Variants in SLC25A32 observed in about 807,000 individuals in gnomAD.
SLC25A32 encodes the protein Glycine auxotroph B, complementation of hamster.
SLC25A32 carries 32 observed loss-of-function variants against 39.0 expected under a neutral mutation model. That is an observed-to-expected ratio of 0.82 (90% CI 0.62 to 1.10). The LOEUF is 1.10. Ranked by LOEUF, SLC25A32 falls within the 50% of genes least tolerant of loss-of-function variation. The pLI, the probability that SLC25A32 is intolerant of heterozygous loss-of-function variation, is 0.00. For synonymous variants in SLC25A32, 166 were observed against 152.4 expected, an observed-to-expected ratio of 1.09 and a Z score of -0.66; for missense variants, 367 against 395.3, an observed-to-expected ratio of 0.93 and a Z score of 0.61.
intron 4 of SLC25A32, chr8:103,402,542 C>A (rs897484144): frequency 6.6e-6 from 1 of 152,080 alleles, no homozygotes; most frequent in African/African-American, 2.4e-5. Flanking sequence ...GAAAAACAAA[C>A]TGAAATTCAA....
At chr8:103,413,858 T>C (rs1174324720) in intron 1 of SLC25A32, among the ~76,000 whole-genome samples, 2 of 152,234 alleles carry the variant, frequency 1.3e-5, no homozygotes, top group Admixed American at 6.5e-5. Flanking sequence ...AGAATTTTCT[T>C]AACGGTTTAC....
intron 1 of SLC25A32, among the ~76,000 whole-genome samples, chr8:103,409,112 C>A (rs185412562): frequency 2.4e-4 from 37 of 152,214 alleles, no homozygotes; most frequent in African/African-American, 8.4e-4. Context: ...TATAGAAAAC[C>A]ACAAGGAATA....
Position 103,414,834 on chromosome 8 carries a change from A to G in SLC25A32, c.104T>C (p.Leu35Ser). Residue 35 changes from leucine to serine, a missense_variant, in exon 1 of 7, where the codon TTA becomes TCA. Coordinates refer to ENST00000297578, the MANE Select transcript of SLC25A32 (RefSeq NM_030780.5). ...NLIAGVSGGV[L>S]SNLALHPLDL... The stretch of plus-strand genomic sequence containing the variant: ...GAGCGGATGCAGCGCAAGGTTGGAT[A>G]AGACGCCGCCGCTCACGCCCGCTAT... 1.9e-6 allele frequency: 3 copies of G among 1,613,824 alleles called. No homozygotes were observed. The highest frequency in any genetic ancestry group is 2.5e-6 in the Non-Finnish European group (3 of 1,180,036).
rs1183356545 is a variant in SLC25A32 at position 103,398,912 on chromosome 8, C to G, written c.*1499G>C. The G allele has an allele frequency of 6.6e-6, 1 of 151,886 alleles. No homozygotes were observed. Among genetic ancestry groups the G allele is most frequent in the African/African-American group, 2.4e-5 (1 of 41,350 alleles). 9.4% of individuals were successfully genotyped at this position (151,886 alleles called of 1,614,324 possible). ...TTTATCTTTACTTTAAAAACAATGCCTTTTCCAAAATATAAAAAAAAGACC... is the reference window on the plus strand; with the variant it reads ...TTTATCTTTACTTTAAAAACAATGCGTTTTCCAAAATATAAAAAAAAGACC... On this transcript the variant is annotated 3_prime_UTR_variant, in exon 7 of 7. Transcript: ENST00000297578.
chr8:103,404,182 A>C (rs1816277537), intron 3 of SLC25A32, among the ~76,000 whole-genome samples: 1 of 152,222 alleles, frequency 6.6e-6, no homozygotes, highest in Admixed American at 6.5e-5. Context: ...CTTTAAAGAA[A>C]CACTATACCA....
chr8:103,401,006 ATTAAAT>A (rs1455707374), intron 6 of SLC25A32, among the ~76,000 whole-genome samples: 1 of 152,230 alleles, frequency 6.6e-6, no homozygotes, highest in Non-Finnish European at 1.5e-5. Flanking sequence ...CTTGAATTGA[ATTAAAT>A]TTAAACATCC....
At chr8:103,412,665 A>C (rs1462469732) in intron 1 of SLC25A32, among the ~76,000 whole-genome samples, 4 of 152,270 alleles carry the variant, frequency 2.6e-5, no homozygotes, top group South Asian at 2.1e-4. Flanking sequence ...TAAGTTCTCT[A>C]AATATCTTGA....
intron 5 of SLC25A32, 29 bp downstream of exon 5, chr8:103,401,912 T>A (rs377027414): frequency 6.4e-7 from 1 of 1,561,344 alleles, no homozygotes; most frequent in East Asian, 2.2e-5. Flanking sequence ...TAAAAGGAAA[T>A]GATATCATTT....
In SLC25A32 at chr8:103,403,266, T is replaced by C. The variant is rs375326077; in HGVS notation, c.450A>G (p.Leu150=). Residue 150 remains leucine, a synonymous_variant, in exon 4 of 7, where the codon TTA becomes TTG. Coordinates refer to ENST00000297578, the MANE Select transcript of SLC25A32 (RefSeq NM_030780.5). ...GGGAGTTAACAACAGCATCATACTG[T>C]AACATAAGGCGAGTTTTTGTTACCC... ...PLWVTKTRLM[L]QYDAVVNSPH... is the part of the protein sequence containing the mutation. The C allele has an allele frequency of 1.1e-5, 17 of 1,613,046 alleles. No individual in the cohort carries two copies. Among genetic ancestry groups the C allele is most frequent in the Admixed American group, 1.7e-5 (1 of 60,006 alleles).
At chr8:103,409,236 T>C (rs971084045) in intron 1 of SLC25A32, among the ~76,000 whole-genome samples, 1 of 148,714 alleles carries the variant, frequency 6.7e-6, no homozygotes, top group African/African-American at 2.5e-5. Flanking sequence ...TTCTACATTA[T>C]ACTACAGGAT....
chr8:103,407,985 T>C (rs1024544622), intron 1 of SLC25A32, among the ~76,000 whole-genome samples: 3 of 147,194 alleles, frequency 2.0e-5, no homozygotes, highest in African/African-American at 5.0e-5. Context: ...ATATGTAAAA[T>C]ATACATTTTT....
chr8:103,414,658 G>A, intron 1 of SLC25A32, 126 bp downstream of exon 1: 6 of 1,363,344 alleles, frequency 4.4e-6, no homozygotes, highest in South Asian at 1.4e-5. Flanking sequence ...TCTAGTTCAG[G>A]TTAGCCAACG....
Position 103,403,241 on chromosome 8 carries a change from G to A in SLC25A32, c.475C>T (p.Pro159Ser), listed in dbSNP as rs1231542257. ...MLQYDAVVNS[P>S]HRQYKGMFDT... ...AACATTCCTTTATATTGTCGGTGTG[G>A]GGAGTTAACAACAGCATCATACTGT... The change falls in exon 4 of 7, where the codon CCA (proline) becomes TCA (serine). Residue 159 changes from proline (P) to serine (S), a missense_variant. Physicochemically the swap from Pro to Ser is moderately conservative, Grantham distance 74. Transcript: ENST00000297578. The A allele has an allele frequency of 5.6e-6, 9 of 1,612,438 alleles. No individual in the cohort carries two copies. Among genetic ancestry groups the A allele is most frequent in the East Asian group, 2.2e-5 (1 of 44,818 alleles).
chr8:103,413,981 C>A (rs1440228278), intron 1 of SLC25A32, among the ~76,000 whole-genome samples: 1 of 152,226 alleles, frequency 6.6e-6, no homozygotes, highest in Non-Finnish European at 1.5e-5. Flanking sequence ...AAGGCAAGAA[C>A]TTTATTAGAT....
rs1816162728 is a variant in SLC25A32 at position 103,399,038 on chromosome 8, AAAAATAC to A, written c.*1366_*1372del. The stretch of plus-strand genomic sequence containing the variant: ...GCACTCGTGGATGTTTACGATAAAT[AAAAATAC>A]TAGTATTCTGGCATCCTTTGGGTAC... On this transcript the variant is annotated 3_prime_UTR_variant, in exon 7 of 7. Coordinates refer to ENST00000297578, the MANE Select transcript of SLC25A32 (RefSeq NM_030780.5). The A allele has an allele frequency of 1.3e-5, 2 of 152,370 alleles. No homozygotes were observed. The highest frequency in any genetic ancestry group is 2.1e-4 in the South Asian group (1 of 4,830). The allele number at this position is 152,370 out of a possible 1,614,324, so 9.4% of individuals were successfully genotyped here.
In SLC25A32 at chr8:103,414,679, C is replaced by G. The variant is rs1342301772; in HGVS notation, c.154+105G>C. 2.0e-6 allele frequency: 3 copies of G among 1,506,240 alleles called. No individual in the cohort carries two copies. In the Admixed American group the frequency reaches 5.7e-5, roughly 28 times the overall value. 93.3% of individuals were successfully genotyped at this position (1,506,240 alleles called of 1,614,324 possible). ...TCAGGTTAGCCAACGCGGACAGCAA[C>G]GCTCCCTTCAACGCTCCTCCTCCCC... On this transcript the variant is annotated intron_variant, in intron 1 of 6. Transcript: ENST00000297578.
At chr8:103,411,763 T>C (rs1816471364) in intron 1 of SLC25A32, among the ~76,000 whole-genome samples, 1 of 152,204 alleles carries the variant, frequency 6.6e-6, no homozygotes, top group Non-Finnish European at 1.5e-5. Context: ...CTAGTCCTGG[T>C]CTCTTATTCC....
intron 4 of SLC25A32, 79 bp downstream of exon 4, chr8:103,403,085 G>C (rs981402924): frequency 2.0e-6 from 2 of 993,638 alleles, no homozygotes; most frequent in Admixed American, 5.3e-5. Flanking sequence ...ACTTACTATA[G>C]GTCATTCAGA....
chr8:103,400,627 T>C, intron 6 of SLC25A32, 81 bp from the exon 7 acceptor site: 1 of 1,427,304 alleles, frequency 7.0e-7, no homozygotes, highest in South Asian at 1.2e-5. Flanking sequence ...ACACAAGGCA[T>C]GGAGCAAGCA....
Sources: allele counts gnomAD v4.1 joint callset (sites outside exome capture counted in the v4.1 genomes callset), GRCh38; gene constraint gnomAD v4.1.1; transcripts MANE v1.5; gene names NCBI Gene and HGNC (gene_info 2026-07-23, HGNC 2026-07-21).